PALM2AKAP2: variants seen among roughly 807,000 people sequenced by gnomAD.
PALM2AKAP2 encodes the protein PALM2-AKAP2 fusion protein.
In PALM2AKAP2, 37 loss-of-function variants were observed where a neutral mutation model predicts 71.5. The ratio of observed to expected loss-of-function variants is 0.52; its 90% CI spans 0.40 to 0.68. PALM2AKAP2 has a LOEUF of 0.68. Ranked by LOEUF, PALM2AKAP2 falls within the 30% of genes least tolerant of loss-of-function variation. The pLI is 0.00. For synonymous variants in PALM2AKAP2, 468 were observed against 478.8 expected, an observed-to-expected ratio of 0.98 and a Z score of 0.29; for missense variants, 1,224 against 1,191.8, an observed-to-expected ratio of 1.03 and a Z score of -0.40.
intron 6 of PALM2AKAP2, among the ~76,000 whole-genome samples, chr9:109,996,655 C>G (rs2132258113): frequency 6.6e-6 from 1 of 152,322 alleles, no homozygotes; most frequent in Middle Eastern, 3.4e-3. Flanking sequence ...TTTTCTGACC[C>G]ACTCTCAGAT....
At chr9:110,124,059 A>G (rs2119020767) in intron 1 of PALM2AKAP2, among the ~76,000 whole-genome samples, 1 of 152,342 alleles carries the variant, frequency 6.6e-6, no homozygotes, top group South Asian at 2.1e-4. Context: ...ACTCCCCAAT[A>G]TTTCTAAATA....
At chr9:109,701,317 G>C (rs1828051942) in intron 1 of PALM2AKAP2, among the ~76,000 whole-genome samples, 1 of 152,138 alleles carries the variant, frequency 6.6e-6, no homozygotes, top group Admixed American at 6.5e-5. Flanking sequence ...CAAAGCTGGA[G>C]GCATCACACT....
At chr9:109,956,414 G>C (rs1377197605) in intron 6 of PALM2AKAP2, among the ~76,000 whole-genome samples, 1 of 152,244 alleles carries the variant, frequency 6.6e-6, no homozygotes, top group Admixed American at 6.5e-5. Context: ...TTCAGGCCAG[G>C]GTTCTTAGGT....
At chr9:109,922,693 C>A (rs958299334) in intron 3 of PALM2AKAP2, among the ~76,000 whole-genome samples, 2 of 152,166 alleles carry the variant, frequency 1.3e-5, no homozygotes, top group Non-Finnish European at 2.9e-5. Flanking sequence ...TGCTGCATAT[C>A]AGTGCCATCC....
chr9:110,006,269 TTC>T (rs767963720), intron 6 of PALM2AKAP2, among the ~76,000 whole-genome samples: 2 of 151,222 alleles, frequency 1.3e-5, no homozygotes, highest in Admixed American at 6.6e-5. Flanking sequence ...TCCTTCCATT[TTC>T]TCTCTCTCTC....
At chr9:110,092,945 G>C (rs1459011070) in intron 1 of PALM2AKAP2, among the ~76,000 whole-genome samples, 1 of 152,174 alleles carries the variant, frequency 6.6e-6, no homozygotes, top group Non-Finnish European at 1.5e-5. Flanking sequence ...GATGGGGTGG[G>C]GGTGAGCGGC....
intron 1 of PALM2AKAP2, among the ~76,000 whole-genome samples, chr9:109,707,606 A>T (rs1828164021): frequency 1.3e-5 from 2 of 152,106 alleles, no homozygotes; most frequent in African/African-American, 4.8e-5. Context: ...CCTGTGACTA[A>T]ATGCTACTTA....
chr9:110,006,144 G>C (rs946588116), intron 6 of PALM2AKAP2, among the ~76,000 whole-genome samples: 1 of 152,038 alleles, frequency 6.6e-6, no homozygotes, highest in Admixed American at 6.6e-5. Context: ...GACTGGAGCT[G>C]TTCCTATTCG....
At chr9:109,911,071 C>G (rs940591974) in intron 3 of PALM2AKAP2, among the ~76,000 whole-genome samples, 1 of 152,092 alleles carries the variant, frequency 6.6e-6, no homozygotes, top group Non-Finnish European at 1.5e-5. Context: ...TGCACAAGCT[C>G]AGGTGCAGGG....
intron 1 of PALM2AKAP2, among the ~76,000 whole-genome samples, chr9:109,672,759 T>C (rs914108916): frequency 1.5e-4 from 23 of 152,238 alleles, no homozygotes; most frequent in African/African-American, 5.3e-4. Context: ...TGGTAGGCTG[T>C]TTATTACTGC....
At chr9:109,846,563 T>C (rs933951415) in intron 1 of PALM2AKAP2, among the ~76,000 whole-genome samples, 17 of 152,154 alleles carry the variant, frequency 1.1e-4, no homozygotes, top group Non-Finnish European at 2.1e-4. Context: ...CAGAGCTGGG[T>C]ACAAATACCA....
At chr9:109,972,827 A>G (rs1199239733) in intron 6 of PALM2AKAP2, among the ~76,000 whole-genome samples, 1 of 152,238 alleles carries the variant, frequency 6.6e-6, no homozygotes. Flanking sequence ...GCACAATTGC[A>G]AGGATTAAAC....
rs549776799 is a variant in PALM2AKAP2, at chr9:109,803,556, G to T, written c.45+23023G>T. ...TCCCCCCTGAGATGCTGGTGATTTTGCAAGTAGTAATAATCAGAGACCTGG... is the reference window on the plus strand; with the variant it reads ...TCCCCCCTGAGATGCTGGTGATTTTTCAAGTAGTAATAATCAGAGACCTGG... On this transcript the variant is annotated intron_variant, in intron 1 of 9. Coordinates refer to the PALM2AKAP2 transcript ENST00000302798. Among the ~76,000 whole-genome samples, 6 of 152,314 alleles carry T rather than the reference G, an allele frequency of 3.9e-5. No individual in the cohort carries two copies. In the South Asian group the frequency reaches 1.2e-3, roughly 32 times the overall value.
At chr9:110,042,818 AG>A (rs1431807043) in intron 7 of PALM2AKAP2, among the ~76,000 whole-genome samples, 1 of 152,164 alleles carries the variant, frequency 6.6e-6, no homozygotes, top group Non-Finnish European at 1.5e-5. Context: ...GTGGGTACAT[AG>A]TAGGTGGCAT....
intron 6 of PALM2AKAP2, among the ~76,000 whole-genome samples, chr9:109,966,652 T>C (rs567808278): frequency 1.3e-5 from 2 of 152,246 alleles, no homozygotes; most frequent in Non-Finnish European, 2.9e-5. Flanking sequence ...ATCTGGATGG[T>C]TGGTACGTTG....
chr9:110,097,242 CAT>C (rs1834869467), intron 1 of PALM2AKAP2, among the ~76,000 whole-genome samples: 1 of 150,214 alleles, frequency 6.7e-6, no homozygotes, highest in African/African-American at 2.5e-5. Flanking sequence ...GGACACAGCA[CAT>C]GTTTCAGAGA....
intron 2 of PALM2AKAP2, among the ~76,000 whole-genome samples, chr9:109,872,524 C>T (rs1009831088): frequency 2.6e-5 from 4 of 152,222 alleles, no homozygotes; most frequent in African/African-American, 7.2e-5. Context: ...GTCTTCAATA[C>T]ATAAACTGCC....
At chr9:110,054,070 C>G (rs1404580135) in intron 1 of PALM2AKAP2, among the ~76,000 whole-genome samples, 5 of 152,218 alleles carry the variant, frequency 3.3e-5, no homozygotes, top group Non-Finnish European at 7.3e-5. Context: ...CTTGGTCTGT[C>G]ACATAAACAA....
intron 6 of PALM2AKAP2, among the ~76,000 whole-genome samples, chr9:109,954,513 T>C: frequency 3.6e-5 from 1 of 27,412 alleles, no homozygotes; most frequent in East Asian, 1.3e-3. Context: ...TGTAGTGGGG[T>C]GGGGGGAGGG....
Sources: allele counts gnomAD v4.1 joint callset (sites outside exome capture counted in the v4.1 genomes callset), GRCh38; gene constraint gnomAD v4.1.1; transcripts MANE v1.5; gene names NCBI Gene and HGNC (gene_info 2026-07-23, HGNC 2026-07-21).